RAI1: variants seen among roughly 807,000 people sequenced by gnomAD.
The protein encoded by RAI1 is retinoic acid-induced protein 1.
In RAI1, 9 loss-of-function variants were observed where a neutral mutation model predicts 123.8. The ratio of observed to expected loss-of-function variants is 0.07; its 90% CI spans 0.04 to 0.13. The LOEUF (loss-of-function observed/expected upper bound fraction) is 0.13. Ranked by LOEUF, RAI1 falls within the 10% of genes least tolerant of loss-of-function variation. RAI1 has a pLI of 1.00. For missense variants in RAI1, 2,256 were observed against 2,545.8 expected, an observed-to-expected ratio of 0.89 and a Z score of 2.45; for synonymous variants, 1,231 against 1,127.3, an observed-to-expected ratio of 1.09 and a Z score of -1.84.
intron 1 of RAI1, among the ~76,000 whole-genome samples, chr17:17,696,904 T>C (rs1567828041): frequency 6.6e-6 from 1 of 152,256 alleles, no homozygotes; most frequent in Admixed American, 6.5e-5. Flanking sequence ...TTGTCGATCC[T>C]GTGACCCACC....
chr17:17,731,119 G>C (rs1598041167), intron 2 of RAI1, among the ~76,000 whole-genome samples: 2 of 152,222 alleles, frequency 1.3e-5, no homozygotes, highest in Admixed American at 6.5e-5. Flanking sequence ...AGGTGAGGAC[G>C]TGGGAGCAGA....
rs919984060 is a variant in RAI1 at position 17,796,752 on chromosome 17, C to T, written c.3804C>T (p.Thr1268=). The change falls in exon 3 of 6, where the codon ACC becomes ACT. Residue 1268 remains threonine (T), a synonymous_variant. Coordinates refer to ENST00000353383, the MANE Select transcript of RAI1 (RefSeq NM_030665.4). This position sits in a 1 kb window ranked among gnomAD's most constrained non-coding sequence, Gnocchi z 5.8. The part of the protein sequence containing the change: ...GKEERPEGSP[T]LFKRMSSPKK... ...AGGAGAGGCCTGAGGGTTCCCCCACCCTCTTCAAGAGGATGTCTTCTCCCA... is the reference window on the plus strand; with the variant it reads ...AGGAGAGGCCTGAGGGTTCCCCCACTCTCTTCAAGAGGATGTCTTCTCCCA... 1 of 1,613,390 alleles carries T rather than the reference C, an allele frequency of 6.2e-7. No individual in the cohort carries two copies. The highest frequency in any genetic ancestry group is 1.3e-5 in the African/African-American group (1 of 75,034).
At position 17,811,028 on chromosome 17, in the gene RAI1, G is replaced by A. The variant is rs2032755940; in HGVS notation, c.*1047G>A. On this transcript the variant is annotated 3_prime_UTR_variant, in exon 6 of 6. Coordinates refer to ENST00000353383, the MANE Select transcript of RAI1 (RefSeq NM_030665.4). ...CAACCGGGCCTTTGCCGGGTAAGGG[G>A]CTACCGCGACGCCACTTGTCCACGC... is the stretch of plus-strand genomic sequence containing the variant. The A allele has an allele frequency of 3.2e-6, 1 of 315,528 alleles. No homozygotes were observed. The highest frequency in any genetic ancestry group is 2.3e-5 in the African/African-American group (1 of 44,256). The allele number at this position is 315,528 out of a possible 1,614,324, so 19.5% of individuals were successfully genotyped here. A position where few individuals can be genotyped will look rare whatever the true frequency, so the allele number is the denominator to read the frequency against.
intron 2 of RAI1, among the ~76,000 whole-genome samples, chr17:17,725,639 G>C (rs1291109960): frequency 6.6e-6 from 1 of 152,152 alleles, no homozygotes; most frequent in Non-Finnish European, 1.5e-5. Flanking sequence ...AGAGCGAAGG[G>C]CTAGCTGGAC....
At chr17:17,723,325 T>A (rs1915948174) in intron 1 of RAI1, among the ~76,000 whole-genome samples, 1 of 133,632 alleles carries the variant, frequency 7.5e-6, no homozygotes, top group Non-Finnish European at 1.6e-5. Context: ...ACACATTCAC[T>A]AGCTTGTATC....
At chr17:17,775,893 A>G (rs1026389125) in intron 2 of RAI1, among the ~76,000 whole-genome samples, 1 of 152,248 alleles carries the variant, frequency 6.6e-6, no homozygotes, top group Non-Finnish European at 1.5e-5. Flanking sequence ...ACATCCACAT[A>G]TAAGTAGACT....
Position 17,809,275 on chromosome 17 carries a change from C to T in RAI1, c.5660-115C>T. The T allele has an allele frequency of 1.1e-6, 1 of 875,918 alleles. No individual in the cohort carries two copies. The highest frequency in any genetic ancestry group is 1.6e-5 in the African/African-American group (1 of 60,794). 54.3% of individuals were successfully genotyped at this position (875,918 alleles called of 1,614,324 possible). On this transcript the variant is annotated intron_variant, in intron 4 of 5. Transcript: ENST00000353383. This position sits in a 1 kb window ranked among gnomAD's most constrained non-coding sequence, Gnocchi z 4.9. The stretch of plus-strand genomic sequence containing the variant: ...ATCTGATTAACTCTTTGAAAAGAGC[C>T]CCTGCAGTCTGGAGCCTCGCGGGCA...
chr17:17,752,329 C>T (rs1232841995), intron 2 of RAI1, among the ~76,000 whole-genome samples: 7 of 152,218 alleles, frequency 4.6e-5, no homozygotes, highest in African/African-American at 1.7e-4. Context: ...CGTCACACTG[C>T]GGAGGGGCGG....
At chr17:17,705,081 G>A (rs1249378119) in intron 1 of RAI1, among the ~76,000 whole-genome samples, 2 of 152,174 alleles carry the variant, frequency 1.3e-5, no homozygotes, top group Non-Finnish European at 2.9e-5. Context: ...AACTTTTGTT[G>A]TTGTGAGCCC....
At position 17,796,291 on chromosome 17, in the gene RAI1, C is replaced by T. The variant is rs1274074149; in HGVS notation, c.3343C>T (p.Leu1115=). The T allele has an allele frequency of 6.2e-7, 1 of 1,603,260 alleles. No individual in the cohort carries two copies. Among genetic ancestry groups the T allele is most frequent in the Non-Finnish European group, 8.5e-7 (1 of 1,173,124 alleles). ...AASSPSNPAA[L]PVASDSSPMG... The stretch of plus-strand genomic sequence containing the variant: ...CTCCAGCCCCAGCAACCCGGCCGCC[C>T]TGCCTGTGGCCTCCGACAGCAGCCC... Residue 1115 remains leucine (L), a synonymous_variant, in exon 3 of 6, where the codon CTG becomes TTG. Transcript: ENST00000353383. The surrounding 1 kb of genome is among the most constrained non-coding windows in gnomAD (Gnocchi z 5.8).
At chr17:17,753,849 T>G (rs569424492) in intron 2 of RAI1, among the ~76,000 whole-genome samples, 117 of 152,322 alleles carry the variant, frequency 7.7e-4, no homozygotes, top group African/African-American at 2.7e-3. Flanking sequence ...GGCTCCAGAT[T>G]CAAGTCTAGA....
rs1446994278 is a variant in RAI1, at chr17:17,810,277, G to C, written c.*296G>C. The C allele has an allele frequency of 4.1e-6, 2 of 493,246 alleles. No homozygotes were observed. The highest frequency in any genetic ancestry group is 7.1e-6 in the Non-Finnish European group (2 of 281,666). The allele number at this position is 493,246 out of a possible 1,614,324, so 30.6% of individuals were successfully genotyped here. On this transcript the variant is annotated 3_prime_UTR_variant, in exon 6 of 6. Transcript: ENST00000353383. The surrounding 1 kb of genome is among the most constrained non-coding windows in gnomAD (Gnocchi z 4.6). Reference sequence around the variant, plus strand: ...GGAGGGGGAGCCCGCGGAGCGGCCAGACTCCCCGGGGCGCTCAGCCTCCGG... The same window carrying C: ...GGAGGGGGAGCCCGCGGAGCGGCCACACTCCCCGGGGCGCTCAGCCTCCGG...
intron 2 of RAI1, among the ~76,000 whole-genome samples, chr17:17,748,688 T>C (rs1014489434): frequency 1.3e-5 from 2 of 152,008 alleles, no homozygotes; most frequent in African/African-American, 4.8e-5. Flanking sequence ...CTGGCATACC[T>C]GGCAGAAGAA....
chr17:17,692,162 TAAAC>T (rs1914860687), intron 1 of RAI1, among the ~76,000 whole-genome samples: 1 of 152,134 alleles, frequency 6.6e-6, no homozygotes, highest in African/African-American at 2.4e-5. Flanking sequence ...CCTGGCTAAT[TAAAC>T]AAAGAGGACC....
At chr17:17,731,456 G>C (rs2142949111) in intron 2 of RAI1, among the ~76,000 whole-genome samples, 2 of 152,312 alleles carry the variant, frequency 1.3e-5, no homozygotes, top group South Asian at 4.1e-4. Context: ...GGGAGGTGGA[G>C]GCAGGGACTG....
intron 1 of RAI1, among the ~76,000 whole-genome samples, chr17:17,695,555 C>A (rs1283848695): frequency 2.0e-5 from 3 of 149,650 alleles, no homozygotes; most frequent in Non-Finnish European, 3.0e-5. Context: ...GAGCTAGAGT[C>A]TCCCTTTGTC....
At position 17,725,451 on chromosome 17, in the gene RAI1, C is replaced by T. The variant is rs931591701; in HGVS notation, c.-17+1292C>T. 7.2e-5 allele frequency among the ~76,000 whole-genome samples: 11 copies of T among 152,136 alleles called. 1 individual carries two copies. The highest frequency in any genetic ancestry group is 7.2e-4 in the Admixed American group (11 of 15,278). ...AGGGGGAGGAGAGTGGTGGGAACTT[C>T]TCCTTTCCCATTGAGGCCATGGGAA... On this transcript the variant is annotated intron_variant, in intron 2 of 5. Coordinates refer to ENST00000353383, the MANE Select transcript of RAI1 (RefSeq NM_030665.4).
At chr17:17,780,736 G>A (rs1390219641) in intron 2 of RAI1, among the ~76,000 whole-genome samples, 7 of 152,228 alleles carry the variant, frequency 4.6e-5, no homozygotes, top group African/African-American at 1.7e-4. Context: ...CACGGCTCCA[G>A]CAGTCTGAGC....
At chr17:17,756,814 G>A (rs886120669) in intron 2 of RAI1, among the ~76,000 whole-genome samples, 1 of 152,244 alleles carries the variant, frequency 6.6e-6, no homozygotes, top group African/African-American at 2.4e-5. Flanking sequence ...TGGACGGGGA[G>A]GAAGAGGGGC....
Sources: gnomAD v4.1 joint callset for allele counts (sites outside exome capture counted in the v4.1 genomes callset) on GRCh38, gnomAD v4.1.1 for gene constraint, Gnocchi (gnomAD v3.1) non-coding constraint, MANE v1.5 for transcripts, NCBI Gene and HGNC (gene_info 2026-07-23, HGNC 2026-07-21) for gene names.